RSRC1: variants seen among roughly 807,000 people sequenced by gnomAD.
RSRC1 encodes the protein serine/Arginine-related protein 53.
In RSRC1, 39 loss-of-function variants were observed where a neutral mutation model predicts 49.1. The ratio of observed to expected loss-of-function variants is 0.79; its 90% confidence interval spans 0.61 to 1.04. The LOEUF is 1.04. Among genes scored for constraint, RSRC1 ranks in the 50% least tolerant of loss-of-function variants. RSRC1 has a pLI of 0.00. For missense variants in RSRC1, 388 were observed against 402.4 expected (o/e 0.96, Z 0.31); for synonymous variants, 143 against 130.8 (o/e 1.09, Z -0.63).
chr3:158,123,339 G>A (rs1366427889), intron 2 of RSRC1, among the ~76,000 whole-genome samples: 2 of 152,058 alleles, frequency 1.3e-5, no homozygotes, highest in Non-Finnish European at 2.9e-5. Context: ...ACAAGATCTT[G>A]CTCTGTCACT....
intron 7 of RSRC1, among the ~76,000 whole-genome samples, chr3:158,489,436 A>G (rs1010965261): frequency 2.6e-5 from 4 of 152,214 alleles, no homozygotes; most frequent in African/African-American, 9.7e-5. Context: ...AACATCTGGC[A>G]TTAGCTATGA....
At chr3:158,177,228 G>A (rs957401411) in intron 3 of RSRC1, among the ~76,000 whole-genome samples, 8 of 152,170 alleles carry the variant, frequency 5.3e-5, no homozygotes, top group Non-Finnish European at 8.8e-5. Flanking sequence ...GTGGAAGACG[G>A]TGTGGTGATT....
At chr3:158,505,723 G>T (rs1384057477) in intron 7 of RSRC1, among the ~76,000 whole-genome samples, 1 of 141,486 alleles carries the variant, frequency 7.1e-6, no homozygotes, top group Non-Finnish European at 1.6e-5. Context: ...GTTCAAGGAA[G>T]AAAGTAGATT....
chr3:158,161,243 G>A (rs1012174810), intron 3 of RSRC1, among the ~76,000 whole-genome samples: 1 of 152,054 alleles, frequency 6.6e-6, no homozygotes, highest in Admixed American at 6.6e-5. Flanking sequence ...GGGCTCCTTG[G>A]GTTTGTCTCC....
At chr3:158,251,828 TCTAG>T (rs1007518562) in intron 4 of RSRC1, among the ~76,000 whole-genome samples, 16 of 152,342 alleles carry the variant, frequency 1.1e-4, no homozygotes, top group African/African-American at 3.1e-4. Flanking sequence ...GTTTGATTGC[TCTAG>T]CTAAGACTTC....
chr3:158,189,853 C>A (rs1720134772), intron 3 of RSRC1, among the ~76,000 whole-genome samples: 1 of 150,820 alleles, frequency 6.6e-6, no homozygotes, highest in Non-Finnish European at 1.5e-5. Flanking sequence ...ATTTCATTTT[C>A]TTCTCTATTA....
chr3:158,389,999 T>G (rs1185030035), intron 6 of RSRC1, among the ~76,000 whole-genome samples: 2 of 152,242 alleles, frequency 1.3e-5, no homozygotes, highest in Non-Finnish European at 2.9e-5. Flanking sequence ...TGATCTCATT[T>G]GACAAATATC....
At chr3:158,321,776 C>T (rs1049806218) in intron 5 of RSRC1, among the ~76,000 whole-genome samples, 12 of 151,946 alleles carry the variant, frequency 7.9e-5, no homozygotes, top group Admixed American at 1.3e-4. Context: ...TACTATGCAT[C>T]TTTAATGTAT....
intron 5 of RSRC1, among the ~76,000 whole-genome samples, chr3:158,309,044 G>A (rs1342761337): frequency 6.6e-6 from 1 of 151,836 alleles, no homozygotes; most frequent in Non-Finnish European, 1.5e-5. Context: ...TTCAAAATAT[G>A]TAATGAAATC....
At chr3:158,387,605 C>A (rs1024243741) in intron 6 of RSRC1, among the ~76,000 whole-genome samples, 1 of 152,056 alleles carries the variant, frequency 6.6e-6, no homozygotes, top group Non-Finnish European at 1.5e-5. Context: ...GCCTTAATAT[C>A]TTTGTTAATA....
intron 1 of RSRC1, among the ~76,000 whole-genome samples, chr3:158,119,832 CT>C (rs35646318): frequency 5.1e-4 from 66 of 129,048 alleles, no homozygotes; most frequent in Non-Finnish European, 5.7e-4. Flanking sequence ...ATTTCATAGT[CT>C]TTTTTTTTTT....
chr3:158,401,510 T>C (rs1462119008), intron 6 of RSRC1, among the ~76,000 whole-genome samples: 1 of 151,970 alleles, frequency 6.6e-6, no homozygotes, highest in Admixed American at 6.6e-5. Context: ...ACCAAGAAAT[T>C]GCATGTTTTG....
intron 3 of RSRC1, among the ~76,000 whole-genome samples, chr3:158,147,386 C>G (rs1377653094): frequency 1.3e-5 from 2 of 151,816 alleles, no homozygotes; most frequent in Non-Finnish European, 2.9e-5. Context: ...GACTACAATT[C>G]CATCATTATT....
chr3:158,497,404 C>G (rs1416892624), intron 7 of RSRC1, among the ~76,000 whole-genome samples: 2 of 147,322 alleles, frequency 1.4e-5, no homozygotes, highest in Non-Finnish European at 3.0e-5. Flanking sequence ...TGCCCCCCTC[C>G]CACTCTTCCC....
chr3:158,307,585 A>G (rs991235390), intron 5 of RSRC1, among the ~76,000 whole-genome samples: 11 of 151,830 alleles, frequency 7.2e-5, no homozygotes, highest in Non-Finnish European at 1.3e-4. Flanking sequence ...TTATACCAAG[A>G]ATAATATTAT....
chr3:158,444,912 A>G (rs2108379728), intron 6 of RSRC1, among the ~76,000 whole-genome samples: 1 of 152,340 alleles, frequency 6.6e-6, no homozygotes, highest in Middle Eastern at 3.4e-3. Context: ...AATGCTCATC[A>G]TCACTGGCCA....
At chr3:158,462,918 C>T (rs1737689962) in intron 7 of RSRC1, among the ~76,000 whole-genome samples, 2 of 152,036 alleles carry the variant, frequency 1.3e-5, no homozygotes, top group South Asian at 4.1e-4. Flanking sequence ...TTTTAATTAG[C>T]ATCTTTAAAA....
At position 158,160,534 on chromosome 3, in the gene RSRC1, G is replaced by T. The variant is rs28569912; in HGVS notation, c.320+36543G>T. 4.4e-3 allele frequency among the ~76,000 whole-genome samples: 668 copies of T among 152,190 alleles called. 4 individuals carry two copies. Among genetic ancestry groups the T allele is most frequent in the African/African-American group, 0.016 (645 of 41,536 alleles). On this transcript the variant is annotated intron_variant, in intron 3 of 9. Coordinates refer to ENST00000611884, the MANE Select transcript of RSRC1 (RefSeq NM_001271838.2). ...TGTTTTTCCTGTAGAAAAATAAATTGTCATGAAAATTCAAGATTTATACCA... is the reference window on the plus strand; with the variant it reads ...TGTTTTTCCTGTAGAAAAATAAATTTTCATGAAAATTCAAGATTTATACCA...
intron 4 of RSRC1, among the ~76,000 whole-genome samples, chr3:158,229,412 ATGTG>A (rs1165214791): frequency 5.5e-5 from 8 of 145,862 alleles, no homozygotes; most frequent in African/African-American, 2.0e-4. Context: ...ACACACGTAT[ATGTG>A]TATGTATGTA....
Sources: gnomAD v4.1 joint callset for allele counts (sites outside exome capture counted in the v4.1 genomes callset) on GRCh38, gnomAD v4.1.1 for gene constraint, MANE v1.5 for transcripts, NCBI Gene and HGNC (gene_info 2026-07-23, HGNC 2026-07-21) for gene names.